The following ARCN1 variants were observed in gnomAD, a reference collection of about 807,000 sequenced individuals.
The protein encoded by ARCN1 is coatomer subunit delta.
ARCN1 carries 5 observed loss-of-function variants against 60.4 expected under a neutral mutation model. The observed-to-expected ratio is 0.08, with a 90% CI of 0.04 to 0.17. The LOEUF is 0.17. Ranked by LOEUF, ARCN1 falls within the 10% of genes least tolerant of loss-of-function variation. ARCN1 has a pLI of 1.00. For missense variants in ARCN1, 464 were observed against 626.5 expected (o/e 0.74, Z 2.77); for synonymous variants, 224 against 220.0 (o/e 1.02, Z -0.16).
At chr11:118,583,719 C>A in intron 3 of ARCN1, 90 bp from the exon 4 acceptor site, 1 of 1,348,310 alleles carries the variant, frequency 7.4e-7, no homozygotes, top group Non-Finnish European at 1.0e-6. Flanking sequence ...GATTGTGCCA[C>A]TTGCACTCCA....
chr11:118,597,668 T>C, intron 8 of ARCN1, 39 bp from the exon 9 acceptor site: 1 of 1,607,318 alleles, frequency 6.2e-7, no homozygotes, highest in Non-Finnish European at 8.5e-7. Flanking sequence ...GAGTTCTAGC[T>C]CTGAACAGCT....
rs1411502730 is a variant in ARCN1, at chr11:118,572,433, G to C, written c.-115G>C. 2 of 1,034,280 alleles carry C rather than the reference G, an allele frequency of 1.9e-6. No homozygotes were observed. The highest frequency in any genetic ancestry group is 2.7e-6 in the Non-Finnish European group (2 of 752,740). 64.1% of individuals were successfully genotyped at this position (1,034,280 alleles called of 1,614,324 possible). A position where few individuals can be genotyped will look rare whatever the true frequency, so the allele number is the denominator to read the frequency against. ...CATCTTGGCAAGAGGCGAAGCGGCA[G>C]CGGTTCCTGTCAAGGGGGCAGCAGG... On this transcript the variant is annotated 5_prime_UTR_variant, in exon 1 of 10. Coordinates refer to ENST00000264028, the MANE Select transcript of ARCN1 (RefSeq NM_001655.5).
At chr11:118,576,452 A>C in intron 1 of ARCN1, among the ~76,000 whole-genome samples, 1 of 139,932 alleles carries the variant, frequency 7.1e-6, no homozygotes, top group Non-Finnish European at 1.6e-5. Context: ...AAAAAAAACC[A>C]AAAACTTTGT....
intron 8 of ARCN1, 66 bp downstream of exon 8, chr11:118,593,764 A>G: frequency 9.4e-7 from 1 of 1,059,024 alleles, no homozygotes; most frequent in Middle Eastern, 2.1e-4. Flanking sequence ...CTCATTTTGG[A>G]GTCAGCACCT....
intron 5 of ARCN1, among the ~76,000 whole-genome samples, chr11:118,585,223 A>G (rs1938752560): frequency 6.6e-6 from 1 of 151,996 alleles, no homozygotes; most frequent in Non-Finnish European, 1.5e-5. Flanking sequence ...TCAGCCTCCC[A>G]AGTAACTGGG....
intron 7 of ARCN1, among the ~76,000 whole-genome samples, chr11:118,593,289 TG>T (rs1938952251): frequency 6.6e-6 from 1 of 152,068 alleles, no homozygotes; most frequent in African/African-American, 2.4e-5. Flanking sequence ...AGTGCAGTGG[TG>T]TGATCATGGC....
Position 118,584,980 on chromosome 11 carries a change from T to C in ARCN1, c.818+336T>C, listed in dbSNP as rs1938745440. On this transcript the variant is annotated intron_variant, in intron 5 of 9. Coordinates refer to ENST00000264028, the MANE Select transcript of ARCN1 (RefSeq NM_001655.5). ...AGCTGGGACCACAGGCGCCCACCCC[T>C]ACGCCCGGCTAATTTTTTTGTATTT... Among the ~76,000 whole-genome samples the C allele has an allele frequency of 2.0e-5, 3 of 151,544 alleles. No homozygotes were observed. In the South Asian group the frequency reaches 6.3e-4, roughly 32 times the overall value.
intron 5 of ARCN1, 21 bp from the exon 6 acceptor site, chr11:118,590,320 T>C (rs1456288151): frequency 6.2e-6 from 10 of 1,602,652 alleles, no homozygotes; most frequent in Non-Finnish European, 8.5e-6. Flanking sequence ...TCTGAACAAA[T>C]GTATTACTTT....
intron 7 of ARCN1, among the ~76,000 whole-genome samples, chr11:118,593,374 A>T (rs144977273): frequency 6.7e-6 from 1 of 149,476 alleles, no homozygotes; most frequent in African/African-American, 2.5e-5. Flanking sequence ...AGAACAGGGA[A>T]GTGCCACCAC....
intron 8 of ARCN1, among the ~76,000 whole-genome samples, chr11:118,594,355 C>A (rs536982649): frequency 2.6e-5 from 4 of 152,228 alleles, no homozygotes; most frequent in Admixed American, 2.6e-4. Context: ...CCGCCTCGGC[C>A]TCCCAAAGTG....
intron 6 of ARCN1, among the ~76,000 whole-genome samples, chr11:118,590,858 A>C (rs1938891590): frequency 6.6e-6 from 1 of 152,246 alleles, no homozygotes; most frequent in Non-Finnish European, 1.5e-5. Flanking sequence ...AGTTTTAAAA[A>C]AACAAGGCTT....
At chr11:118,593,725 G>A (rs374763287) in intron 8 of ARCN1, 27 bp downstream of exon 8, 3 of 1,495,944 alleles carry the variant, frequency 2.0e-6, no homozygotes, top group African/African-American at 1.4e-5. Context: ...TGTCCTCTAC[G>A]GTGGACTTAG....
chr11:118,600,550 C>A, intron 9 of ARCN1, 75 bp from the exon 10 acceptor site: 2 of 972,036 alleles, frequency 2.1e-6, no homozygotes, highest in Non-Finnish European at 3.2e-6. Context: ...TTGATATGTT[C>A]TGTAATGAGA....
intron 1 of ARCN1, chr11:118,573,498 C>A: frequency 1.9e-6 from 1 of 514,614 alleles, no homozygotes; most frequent in Non-Finnish European, 3.5e-6. Context: ...TGTGGATATT[C>A]ATGAAGTAGT....
Position 118,593,663 on chromosome 11 carries a change from A to G in ARCN1, c.1206A>G (p.Leu402=), listed in dbSNP as rs1367890756. ...NIEYELQEDN[L]ELNDVVITIP... is the part of the protein sequence containing the mutation. Reference sequence around the variant, plus strand: ...AATATGAGCTACAAGAAGATAATTTAGAACTGAATGATGTGGTTATCACCA... The same window carrying G: ...AATATGAGCTACAAGAAGATAATTTGGAACTGAATGATGTGGTTATCACCA... Residue 402 remains leucine (L), a synonymous_variant, in exon 8 of 10, where the codon TTA becomes TTG. Transcript: ENST00000264028. The G allele has an allele frequency of 1.7e-5, 28 of 1,613,380 alleles. No homozygotes were observed. Among genetic ancestry groups the G allele is most frequent in the Non-Finnish European group, 2.1e-5 (25 of 1,179,464 alleles).
intron 9 of ARCN1, among the ~76,000 whole-genome samples, chr11:118,598,520 G>A (rs1555077585): frequency 7.2e-6 from 1 of 138,696 alleles, no homozygotes; most frequent in African/African-American, 2.7e-5. Flanking sequence ...TTGAGATGGA[G>A]TTTTGCTCTT....
At position 118,601,758 on chromosome 11, in the gene ARCN1, T is replaced by C; in HGVS notation, c.*1044T>C. 1 of 702,664 alleles carries C rather than the reference T, an allele frequency of 1.4e-6. No individual in the cohort carries two copies. Among genetic ancestry groups the C allele is most frequent in the Non-Finnish European group, 2.6e-6 (1 of 384,790 alleles). 43.5% of individuals were successfully genotyped at this position (702,664 alleles called of 1,614,324 possible). A position where few individuals can be genotyped will look rare whatever the true frequency, so the allele number is the denominator to read the frequency against. On this transcript the variant is annotated 3_prime_UTR_variant, in exon 10 of 10. Coordinates refer to ENST00000264028, the MANE Select transcript of ARCN1 (RefSeq NM_001655.5). Reference sequence around the variant, plus strand: ...GTACCATGAATCCCACTTGTGTCAATATTAAAGATAGCTGAGAAGCACCTT... The same window carrying C: ...GTACCATGAATCCCACTTGTGTCAACATTAAAGATAGCTGAGAAGCACCTT...
chr11:118,584,574 A>G lies in ARCN1; in HGVS notation c.748A>G (p.Met250Val). ...ATTAAAATCTGAAGGTGAAACCATC[A>G]TGTCCTCTAGTATGGGCAAGCGTAC... The part of the protein sequence containing the change: ...DKLKSEGETI[M>V]SSSMGKRTSE... The change falls in exon 5 of 10, where the codon ATG becomes GTG. Residue 250 changes from methionine (M) to valine (V), a missense_variant. Physicochemically the swap from Met to Val is conservative, Grantham distance 21. Around this residue, in one of 2 missense-constraint regions of ARCN1, gnomAD observed 359 missense variants for 440.2 expected, o/e 0.82. Transcript: ENST00000264028. 1 of 1,614,080 alleles carries G rather than the reference A, an allele frequency of 6.2e-7. No homozygotes were observed. The highest frequency in any genetic ancestry group is 1.1e-5 in the South Asian group (1 of 91,046).
At chr11:118,578,047 A>T (rs147241488) in intron 1 of ARCN1, among the ~76,000 whole-genome samples, 2,016 of 152,194 alleles carry the variant, frequency 0.013, 45 homozygotes, top group African/African-American at 0.043. Flanking sequence ...CTGTAGTCCC[A>T]GTTACTCAGG....
Sources: allele counts gnomAD v4.1 joint callset (sites outside exome capture counted in the v4.1 genomes callset), GRCh38; gene constraint gnomAD v4.1.1; regional missense constraint gnomAD v4.1.1; transcripts MANE v1.5; gene names NCBI Gene and HGNC (gene_info 2026-07-23, HGNC 2026-07-21).